The following ARHGEF4 variants were observed in gnomAD, a reference collection of about 807,000 sequenced individuals.
The protein encoded by ARHGEF4 is Rho guanine nucleotide exchange factor 4.
A neutral mutation model predicts 162.0 loss-of-function variants in ARHGEF4; 119 were observed. That is an observed-to-expected ratio of 0.73 (90% CI 0.63 to 0.86). The LOEUF (loss-of-function observed/expected upper bound fraction) is 0.86. ARHGEF4 is among the 40% of genes least tolerant of loss of function. The pLI is 0.00. For missense variants in ARHGEF4, 2,488 were observed against 2,456.0 expected, an observed-to-expected ratio of 1.01 and a Z score of -0.28; for synonymous variants, 1,014 against 979.9, an observed-to-expected ratio of 1.03 and a Z score of -0.65.
At chr2:131,039,733 A>T in intron 6 of ARHGEF4, 2 of 1,332,926 alleles carry the variant, frequency 1.5e-6, no homozygotes, top group South Asian at 1.8e-5. Flanking sequence ...CAGGAACTGC[A>T]GCAAGCGCTC....
In ARHGEF4 at chr2:130,916,434, G is replaced by A. The variant is rs1023452471; in HGVS notation, c.2488G>A (p.Glu830Lys). The change falls in exon 2 of 14, where the codon GAG becomes AAG. Residue 830 changes from glutamate (E) to lysine (K), a missense_variant. By Grantham distance (56) the Glu-to-Lys change is moderately conservative (BLOSUM62 1). Coordinates refer to ENST00000409359, the MANE Select transcript of ARHGEF4 (RefSeq NM_001367493.1). The part of the protein sequence containing the change: ...EGRRWGSSGP[E>K]GLPRENPPAA... The stretch of plus-strand genomic sequence containing the variant: ...TCGCCGCTGGGGCTCTTCAGGCCCC[G>A]AGGGGCTCCCCAGGGAGAATCCGCC... 2.0e-5 allele frequency: 30 copies of A among 1,538,306 alleles called. No individual in the cohort carries two copies. The highest frequency in any genetic ancestry group is 9.8e-5 in the East Asian group (4 of 40,812).
In ARHGEF4 at chr2:130,836,991, A is replaced by G; in HGVS notation, c.38A>G (p.Lys13Arg). The G allele has an allele frequency of 8.2e-7, 1 of 1,226,674 alleles. No homozygotes were observed. The highest frequency in any genetic ancestry group is 1.0e-6 in the Non-Finnish European group (1 of 984,758). 76.0% of individuals were successfully genotyped at this position (1,226,674 alleles called of 1,614,324 possible). A position where few individuals can be genotyped will look rare whatever the true frequency, so the allele number is the denominator to read the frequency against. Reference protein sequence around the residue: ...SVVHFLRSFFKTPEPGAHLPG... With the variant: ...SVVHFLRSFFRTPEPGAHLPG... ...GTGCACTTCCTCCGGAGCTTCTTCAAGGTGAGAGCCGGCGTCCGGGACTTG... is the reference window on the plus strand; with the variant it reads ...GTGCACTTCCTCCGGAGCTTCTTCAGGGTGAGAGCCGGCGTCCGGGACTTG... The change falls in exon 1 of 14, where the codon AAG becomes AGG. Residue 13 changes from lysine to arginine, a missense_variant and splice_region_variant. By Grantham distance (26) the Lys-to-Arg change is conservative (BLOSUM62 2). Around this residue, in one of 6 missense-constraint regions of ARHGEF4, gnomAD observed 171 missense variants for 169.4 expected, o/e 1.01. Coordinates refer to ENST00000409359, the MANE Select transcript of ARHGEF4 (RefSeq NM_001367493.1).
chr2:130,872,135 G>A (rs1208589781), intron 1 of ARHGEF4, among the ~76,000 whole-genome samples: 1 of 152,234 alleles, frequency 6.6e-6, no homozygotes, highest in African/African-American at 2.4e-5. Context: ...AATAGGCTTA[G>A]CCTTATAAAA....
chr2:130,846,818 A>G (rs1422874398), intron 1 of ARHGEF4, among the ~76,000 whole-genome samples: 2 of 152,308 alleles, frequency 1.3e-5, no homozygotes, highest in Non-Finnish European at 1.5e-5. Flanking sequence ...GTGCTCAGAC[A>G]TGAGTCCGGA....
chr2:131,029,904 G>A (rs111296023), intron 5 of ARHGEF4, among the ~76,000 whole-genome samples: 6,700 of 152,292 alleles, frequency 0.044, 495 homozygotes, highest in African/African-American at 0.15. Flanking sequence ...CTTGGGGCTC[G>A]GTCCAGCAGG....
chr2:130,884,837 T>C (rs996732389), intron 1 of ARHGEF4, among the ~76,000 whole-genome samples: 1 of 152,002 alleles, frequency 6.6e-6, no homozygotes, highest in Non-Finnish European at 1.5e-5. Context: ...TCATACGCCA[T>C]AGAACAGTGA....
intron 1 of ARHGEF4, among the ~76,000 whole-genome samples, chr2:130,839,541 A>T (rs957531910): frequency 2.6e-5 from 4 of 152,110 alleles, no homozygotes. Flanking sequence ...GCACCGTGGG[A>T]TCCATGGGGC....
intron 12 of ARHGEF4, among the ~76,000 whole-genome samples, chr2:131,044,888 G>T (rs1001869751): frequency 2.6e-5 from 4 of 152,204 alleles, no homozygotes; most frequent in African/African-American, 9.7e-5. Flanking sequence ...GGACCTGCGG[G>T]ACCCCTTTCC....
At chr2:130,899,055 T>C (rs554531705) in intron 1 of ARHGEF4, among the ~76,000 whole-genome samples, 1 of 152,288 alleles carries the variant, frequency 6.6e-6, no homozygotes, top group African/African-American at 2.4e-5. Context: ...GCATCAGCCC[T>C]TTGACACCTG....
At chr2:130,885,564 C>CTTTTTTTTTTTTTTT (rs961513941) in intron 1 of ARHGEF4, among the ~76,000 whole-genome samples, 23 of 100,418 alleles carry the variant, frequency 2.3e-4, no homozygotes, top group Non-Finnish European at 3.8e-4. Context: ...TTTTCTTATT[C>CTTTTTTTTTTTTTTT]TTTTTTTTTT....
intron 1 of ARHGEF4, among the ~76,000 whole-genome samples, chr2:130,886,523 C>CA (rs568229468): frequency 6.6e-5 from 10 of 150,954 alleles, no homozygotes; most frequent in Admixed American, 2.6e-4. Context: ...ACTAAAAATA[C>CA]AAAAAAAATT....
At chr2:130,854,942 C>T (rs1333502968) in intron 1 of ARHGEF4, among the ~76,000 whole-genome samples, 7 of 151,860 alleles carry the variant, frequency 4.6e-5, no homozygotes, top group African/African-American at 1.7e-4. Context: ...GGCGCAATCT[C>T]GGCTCACTGC....
intron 4 of ARHGEF4, among the ~76,000 whole-genome samples, chr2:130,977,713 A>T (rs997537700): frequency 6.6e-5 from 10 of 151,412 alleles, no homozygotes; most frequent in Non-Finnish European, 1.2e-4. Flanking sequence ...TTTTTTTTGC[A>T]TCTTGTGCGT....
rs1312286443 is a variant in ARHGEF4, at chr2:130,869,481, G to T, written c.39+32489G>T. Among the ~76,000 whole-genome samples, 3 of 152,230 alleles carry T rather than the reference G, an allele frequency of 2.0e-5. No homozygotes were observed. In the East Asian group the frequency reaches 5.8e-4, roughly 29 times the overall value. On this transcript the variant is annotated intron_variant, in intron 1 of 13. Coordinates refer to ENST00000409359, the MANE Select transcript of ARHGEF4 (RefSeq NM_001367493.1). ...TGAGATAAGCAGGGAATCTTGGTGAGCAGTGAGGCCCCTGAGTCTGGGAAG... is the reference window on the plus strand; with the variant it reads ...TGAGATAAGCAGGGAATCTTGGTGATCAGTGAGGCCCCTGAGTCTGGGAAG...
At chr2:130,979,379 T>C (rs1365772058) in intron 4 of ARHGEF4, among the ~76,000 whole-genome samples, 1 of 152,166 alleles carries the variant, frequency 6.6e-6, no homozygotes. Context: ...ACCATGTCTC[T>C]CTTGAACTTC....
rs576536051 is a variant in ARHGEF4 at position 130,911,555 on chromosome 2, A to G, written c.40-2431A>G. On this transcript the variant is annotated intron_variant, in intron 1 of 13. Transcript: ENST00000409359. Reference sequence around the variant, plus strand: ...AGATTAGAATCCAATATTCAATCAAATCAAATGTTGTTTTTGATGTACTCA... The same window carrying G: ...AGATTAGAATCCAATATTCAATCAAGTCAAATGTTGTTTTTGATGTACTCA... Among the ~76,000 whole-genome samples the G allele has an allele frequency of 2.0e-5, 3 of 152,362 alleles. No individual in the cohort carries two copies. In the South Asian group the frequency reaches 6.2e-4, roughly 32 times the overall value.
intron 11 of ARHGEF4, among the ~76,000 whole-genome samples, chr2:131,043,870 T>A (rs887636844): frequency 6.6e-6 from 1 of 152,062 alleles, no homozygotes; most frequent in South Asian, 2.1e-4. Context: ...CCTGCAAACC[T>A]CCACATCCCC....
chr2:131,042,672 G>A (rs1183341104), intron 10 of ARHGEF4, among the ~76,000 whole-genome samples: 3 of 152,222 alleles, frequency 2.0e-5, no homozygotes, highest in Admixed American at 2.0e-4. Context: ...AGGAATAGGG[G>A]CAGTCAGCTG....
chr2:130,984,301 A>G (rs890147629), intron 4 of ARHGEF4, among the ~76,000 whole-genome samples: 1 of 152,202 alleles, frequency 6.6e-6, no homozygotes, highest in Admixed American at 6.5e-5. Flanking sequence ...ACAGCAGCAC[A>G]GAAACCTGGA....
Sources: gnomAD v4.1 joint callset for allele counts (sites outside exome capture counted in the v4.1 genomes callset) on GRCh38, gnomAD v4.1.1 for gene constraint, gnomAD v4.1.1 regional missense constraint, MANE v1.5 for transcripts, NCBI Gene and HGNC (gene_info 2026-07-23, HGNC 2026-07-21) for gene names.